PDE4A: variants seen among roughly 807,000 people sequenced by gnomAD.
The protein encoded by PDE4A is 3',5'-cyclic-AMP phosphodiesterase 4A.
Under a neutral mutation model 73.9 loss-of-function variants are expected in PDE4A, and 21 were observed. That is an observed-to-expected ratio of 0.28 (90% confidence interval 0.20 to 0.41). PDE4A has a LOEUF of 0.41. PDE4A is among the 10% of genes least tolerant of loss of function. PDE4A has a pLI of 1.00. For synonymous variants in PDE4A, 463 were observed against 505.4 expected (o/e 0.92, Z 1.13); for missense variants, 958 against 1,211.4 (o/e 0.79, Z 3.10).
chr19:10,462,011 C>T lies in PDE4A; in HGVS notation c.1743+12C>T. The T allele has an allele frequency of 6.2e-7, 1 of 1,607,940 alleles. No homozygotes were observed. The highest frequency in any genetic ancestry group is 1.1e-5 in the South Asian group (1 of 90,396). On this transcript the variant is annotated intron_variant, in intron 13 of 14. Transcript: ENST00000380702. ...CCGACCGCATCCAGGTGCCCCCACG[C>T]CCCATCATCTAAGGAGGGAGGACAC...
intron 6 of PDE4A, chr19:10,452,957 T>A: frequency 7.8e-6 from 9 of 1,157,234 alleles, no homozygotes; most frequent in Non-Finnish European, 9.6e-6. Context: ...CACACAGAGC[T>A]CCGCAGCCTC....
In PDE4A at chr19:10,456,586, G is replaced by A. The variant is rs570821146; in HGVS notation, c.878-1293G>A. ...TAAAAAACTAGTCGGGCATGGTGGC[G>A]TGTGCCTGTGGTCCCAGCTACCTGG... On this transcript the variant is annotated intron_variant, in intron 7 of 14. Transcript: ENST00000380702. Among the ~76,000 whole-genome samples, 22 of 151,664 alleles carry A rather than the reference G, an allele frequency of 1.5e-4. No homozygotes were observed. In the East Asian group the frequency reaches 3.5e-3, roughly 24 times the overall value.
intron 1 of PDE4A, among the ~76,000 whole-genome samples, chr19:10,439,507 A>C (rs920619417): frequency 6.6e-6 from 1 of 152,124 alleles, no homozygotes; most frequent in African/African-American, 2.4e-5. Flanking sequence ...TTGGGGTTAC[A>C]GTGGTTCTCT....
At chr19:10,421,123 G>T (rs2042645899) in intron 1 of PDE4A, 39 bp downstream of exon 1, 8 of 1,346,610 alleles carry the variant, frequency 5.9e-6, no homozygotes, top group Non-Finnish European at 4.7e-6. Flanking sequence ...GAACGGATGG[G>T]CGCGCAGGGA....
chr19:10,456,455 G>A (rs1275319213), intron 7 of PDE4A, among the ~76,000 whole-genome samples: 1 of 152,022 alleles, frequency 6.6e-6, no homozygotes, highest in Non-Finnish European at 1.5e-5. Flanking sequence ...CAACCTGGGA[G>A]ATGGAGGTTG....
chr19:10,417,164 C>T, upstream of PDE4A: 1 of 982,880 alleles, frequency 1.0e-6, no homozygotes, highest in Non-Finnish European at 1.2e-6. Flanking sequence ...CTCCTGCTGC[C>T]CTAAGAGGCT....
intron 1 of PDE4A, among the ~76,000 whole-genome samples, chr19:10,426,209 G>A (rs1395731786): frequency 6.6e-6 from 1 of 151,780 alleles, no homozygotes; most frequent in African/African-American, 2.4e-5. Flanking sequence ...CTTTTGTCCT[G>A]GACTCGCTGT....
At position 10,454,809 on chromosome 19, in the gene PDE4A, T is replaced by C. The variant is rs2043146392; in HGVS notation, c.784-20T>C. ...TGTGCTTCCCCCATCATTTCTTCCTTGTTGACTCCTTTACCTTAGTTCAAA... is the reference window on the plus strand; with the variant it reads ...TGTGCTTCCCCCATCATTTCTTCCTCGTTGACTCCTTTACCTTAGTTCAAA... On this transcript the variant is annotated intron_variant, in intron 6 of 14. Transcript: ENST00000380702. The C allele has an allele frequency of 1.2e-6, 2 of 1,613,862 alleles. No individual in the cohort carries two copies. Among genetic ancestry groups the C allele is most frequent in the African/African-American group, 1.3e-5 (1 of 75,018 alleles).
intron 13 of PDE4A, among the ~76,000 whole-genome samples, chr19:10,462,537 G>C (rs1373639075): frequency 1.3e-5 from 2 of 152,018 alleles, no homozygotes; most frequent in South Asian, 4.2e-4. Context: ...ACCCAGTCTG[G>C]TCTCAAACTC....
rs2043206426 is a variant in PDE4A, at chr19:10,458,446, G to A, written c.1101+344G>A. Among the ~76,000 whole-genome samples, 1 of 152,138 alleles carries A rather than the reference G, an allele frequency of 6.6e-6. No homozygotes were observed. The highest frequency in any genetic ancestry group is 2.1e-4 in the South Asian group (1 of 4,832). On this transcript the variant is annotated intron_variant, in intron 8 of 14. Coordinates refer to ENST00000380702, the MANE Select transcript of PDE4A (RefSeq NM_001111307.2). This position sits in a 1 kb window ranked among gnomAD's most constrained non-coding sequence, Gnocchi z 4.6. ...CGCTAATCCAGACTGTGCCCCCATA[G>A]TGTCCCCAACAGTCCAGACCGGTGT...
rs1478754452 is a variant in PDE4A, at chr19:10,431,227, G to A, written c.320+10143G>A. ...GCAGCGATCAAAATCATCCCTGACC[G>A]CCAGGGTTGCCCTGGAGACCTCTGA... On this transcript the variant is annotated intron_variant, in intron 1 of 14. Transcript: ENST00000380702. 4 of 584,484 alleles carry A rather than the reference G, an allele frequency of 6.8e-6. No individual in the cohort carries two copies. The East Asian group carries it at 1.4e-4, about 20-fold the overall frequency. The allele number at this position is 584,484 out of a possible 1,614,324, so 36.2% of individuals were successfully genotyped here.
rs200026978 is a variant in PDE4A at position 10,467,657 on chromosome 19, C to T, written c.*36C>T. ...TCTGTCCCTGTTCCCCTCCACTCCT[C>T]CCCTCACTCCCCTGCTCCCCCGACC... On this transcript the variant is annotated 3_prime_UTR_variant, in exon 15 of 15. Transcript: ENST00000380702. 1 of 1,446,352 alleles carries T rather than the reference C, an allele frequency of 6.9e-7. No individual in the cohort carries two copies. The highest frequency in any genetic ancestry group is 9.3e-7 in the Non-Finnish European group (1 of 1,071,342). The allele number at this position is 1,446,352 out of a possible 1,614,324, so 89.6% of individuals were successfully genotyped here.
intron 1 of PDE4A, among the ~76,000 whole-genome samples, chr19:10,444,186 G>C (rs948797092): frequency 1.3e-5 from 2 of 152,074 alleles, no homozygotes; most frequent in African/African-American, 4.8e-5. Flanking sequence ...TTTGAGACCA[G>C]CCTGACCAAC....
chr19:10,463,847 G>A lies in PDE4A; in HGVS notation c.1798G>A (p.Glu600Lys), dbSNP rs1331397953. The A allele has an allele frequency of 1.2e-6, 2 of 1,614,044 alleles. No homozygotes were observed. The highest frequency in any genetic ancestry group is 2.7e-5 in the African/African-American group (2 of 74,916). Residue 600 changes from glutamate (E) to lysine (K), a missense_variant, in exon 14 of 15, where the codon GAG (glutamate) becomes AAG (lysine). Around this residue, in one of 3 missense-constraint regions of PDE4A, gnomAD observed 570 missense variants for 827.7 expected, o/e 0.69. Coordinates refer to ENST00000380702, the MANE Select transcript of PDE4A (RefSeq NM_001111307.2). ...CCTCAGCAACCCCACCAAGCCGCTG[G>A]AGCTGTACCGCCAGTGGACAGACCG... ...ADLSNPTKPL[E>K]LYRQWTDRIM...
In PDE4A at chr19:10,467,818, T is replaced by C. The variant is rs1400346279; in HGVS notation, c.*197T>C. ...CACCCACGGGGCCTTTTTTTGGAGG[T>C]GGGGGCTGGGGAATGAGGGGCTGAG... On this transcript the variant is annotated 3_prime_UTR_variant, in exon 15 of 15. Coordinates refer to ENST00000380702, the MANE Select transcript of PDE4A (RefSeq NM_001111307.2). 7.1e-6 allele frequency: 3 copies of C among 420,588 alleles called. No homozygotes were observed. Among genetic ancestry groups the C allele is most frequent in the African/African-American group, 4.1e-5 (2 of 48,750 alleles). The allele number at this position is 420,588 out of a possible 1,614,324, so 26.1% of individuals were successfully genotyped here. A position where few individuals can be genotyped will look rare whatever the true frequency, so the allele number is the denominator to read the frequency against.
intron 6 of PDE4A, among the ~76,000 whole-genome samples, chr19:10,451,240 G>C (rs1346194579): frequency 6.6e-6 from 1 of 151,386 alleles, no homozygotes; most frequent in East Asian, 2.0e-4. Context: ...AGGGTCTATG[G>C]TATGGGGTCA....
At chr19:10,450,700 T>C (rs200562000) in intron 5 of PDE4A, 48 bp downstream of exon 5, 56 of 1,590,976 alleles carry the variant, frequency 3.5e-5, no homozygotes, top group Non-Finnish European at 4.6e-5. Context: ...GCTGCCCCAG[T>C]GGGGGTCCCT....
chr19:10,438,300 AC>A (rs1440741964), intron 1 of PDE4A, among the ~76,000 whole-genome samples: 16 of 151,582 alleles, frequency 1.1e-4, no homozygotes, highest in Non-Finnish European at 2.4e-4. Flanking sequence ...TTTATTAGAG[AC>A]GGGGTTTCAT....
chr19:10,419,289 G>A (rs186798787), upstream of PDE4A, among the ~76,000 whole-genome samples: 386 of 149,388 alleles, frequency 2.6e-3, 2 homozygotes, highest in South Asian at 6.5e-3. Flanking sequence ...GCCATCCTTG[G>A]GGGGGTTGAG....
Sources: allele counts gnomAD v4.1 joint callset (sites outside exome capture counted in the v4.1 genomes callset), GRCh38; gene constraint gnomAD v4.1.1; regional missense constraint gnomAD v4.1.1; non-coding constraint Gnocchi (gnomAD v3.1); transcripts MANE v1.5; gene names NCBI Gene and HGNC (gene_info 2026-07-23, HGNC 2026-07-21).